The following UBE2F variants were observed in gnomAD, a reference collection of about 807,000 sequenced individuals.
UBE2F encodes the protein ubiquitin conjugating enzyme E2 F (putative), also known as NEDD8-conjugating enzyme UBE2F.
In UBE2F, 5 loss-of-function variants were observed where a neutral mutation model predicts 29.6. The ratio of observed to expected loss-of-function variants is 0.17; its 90% CI spans 0.09 to 0.36. The LOEUF is 0.36. Among genes scored for constraint, UBE2F ranks in the 10% least tolerant of loss-of-function variants. The pLI, the probability that UBE2F is intolerant of heterozygous loss-of-function variation, is 1.00. For missense variants in UBE2F, 141 were observed against 228.5 expected (o/e 0.62, Z 2.47); for synonymous variants, 66 against 81.8 (o/e 0.81, Z 1.04).
At chr2:237,968,939 G>A in intron 1 of UBE2F, 3 of 676,144 alleles carry the variant, frequency 4.4e-6, no homozygotes, top group Non-Finnish European at 3.7e-6. Context: ...ACAGTTTGAA[G>A]ACTTACTTTT....
At chr2:237,980,727 C>G (rs2063362004) in intron 2 of UBE2F, among the ~76,000 whole-genome samples, 1 of 152,176 alleles carries the variant, frequency 6.6e-6, no homozygotes, top group Non-Finnish European at 1.5e-5. Flanking sequence ...GGCAAGTATG[C>G]TTATGTGTCC....
chr2:237,992,784 C>A (rs570265304), intron 3 of UBE2F, among the ~76,000 whole-genome samples: 1 of 152,148 alleles, frequency 6.6e-6, no homozygotes, highest in African/African-American at 2.4e-5. Flanking sequence ...TGGACTAGAT[C>A]GTCTCTAAGG....
At position 237,995,315 on chromosome 2, in the gene UBE2F, G is replaced by A. The variant is rs148141023; in HGVS notation, c.214+506G>A. ...GAAGATTACCAGCTGTCCTCAGTAAGACGGATAAGTGTCTAATCCCTAAGC... is the reference window on the plus strand; with the variant it reads ...GAAGATTACCAGCTGTCCTCAGTAAAACGGATAAGTGTCTAATCCCTAAGC... On this transcript the variant is annotated intron_variant, in intron 4 of 9. Coordinates refer to ENST00000272930, the MANE Select transcript of UBE2F (RefSeq NM_080678.3). 3.9e-5 allele frequency among the ~76,000 whole-genome samples: 6 copies of A among 152,344 alleles called. No homozygotes were observed. The East Asian group carries it at 1.2e-3, about 29-fold the overall frequency.
At chr2:238,038,225 A>G (rs748879185) in intron 9 of UBE2F, among the ~76,000 whole-genome samples, 3 of 152,216 alleles carry the variant, frequency 2.0e-5, no homozygotes, top group Non-Finnish European at 2.9e-5. Flanking sequence ...AGAGCAGGCC[A>G]TCTTCTGAGG....
At chr2:238,038,810 C>T (rs1035076943) in intron 9 of UBE2F, among the ~76,000 whole-genome samples, 2 of 152,246 alleles carry the variant, frequency 1.3e-5, no homozygotes, top group Non-Finnish European at 2.9e-5. Flanking sequence ...CTTATGTCCA[C>T]TCGTTCATCA....
intron 8 of UBE2F, chr2:238,035,663 TCTTTC>T: frequency 1.9e-6 from 1 of 520,204 alleles, no homozygotes; most frequent in Non-Finnish European, 3.4e-6. Context: ...ATCTCTGACT[TCTTTC>T]AGTCAGTTGT....
intron 5 of UBE2F, among the ~76,000 whole-genome samples, chr2:238,020,199 A>G (rs2106389021): frequency 6.6e-6 from 1 of 152,322 alleles, no homozygotes; most frequent in African/African-American, 2.4e-5. Context: ...AGGGAGTGCC[A>G]GCTGTCTTGC....
At chr2:238,006,322 A>G (rs967598373) in intron 4 of UBE2F, among the ~76,000 whole-genome samples, 1 of 152,196 alleles carries the variant, frequency 6.6e-6, no homozygotes, top group Non-Finnish European at 1.5e-5. Flanking sequence ...CATCACCCAG[A>G]CACCTCCCAC....
chr2:237,992,970 G>T (rs2063620166), intron 3 of UBE2F, among the ~76,000 whole-genome samples: 1 of 151,696 alleles, frequency 6.6e-6, no homozygotes, highest in Non-Finnish European at 1.5e-5. Flanking sequence ...AATTCTGGGT[G>T]GGAGCTAACT....
Position 238,002,081 on chromosome 2 carries a change from T to TTTG in UBE2F, c.214+7272_214+7273insTTG, listed in dbSNP as rs35823687. ...TATCCCAATTTTTTTTTTTTTTTTT[T>TTTG]GAGACAGAGTTTTGCTCTGTTGCCC... On this transcript the variant is annotated intron_variant, in intron 4 of 9. Transcript: ENST00000272930. 7.0e-4 allele frequency among the ~76,000 whole-genome samples: 106 copies of TTTG among 150,442 alleles called. 2 individuals are homozygous for TTTG. Among genetic ancestry groups the TTTG allele is most frequent in the Middle Eastern group, 3.5e-3 (1 of 288 alleles).
chr2:237,979,956 G>T (rs2063348315), intron 2 of UBE2F, among the ~76,000 whole-genome samples: 1 of 152,242 alleles, frequency 6.6e-6, no homozygotes, highest in Admixed American at 6.5e-5. Flanking sequence ...TGAGGCCTCA[G>T]CCCTGGTGGT....
intron 4 of UBE2F, 129 bp downstream of exon 4, chr2:237,994,938 T>C: frequency 1.4e-6 from 1 of 698,164 alleles, no homozygotes; most frequent in Non-Finnish European, 2.5e-6. Context: ...CAATTTCATA[T>C]GAAGATAAGA....
chr2:237,977,692 C>T (rs1381505907), intron 2 of UBE2F, among the ~76,000 whole-genome samples: 2 of 152,038 alleles, frequency 1.3e-5, no homozygotes, highest in African/African-American at 4.8e-5. Flanking sequence ...CATGGCAAGG[C>T]ACTTTGAGGG....
chr2:237,984,845 T>A (rs2063446812), intron 2 of UBE2F, among the ~76,000 whole-genome samples: 1 of 151,994 alleles, frequency 6.6e-6, no homozygotes, highest in Admixed American at 6.6e-5. Flanking sequence ...AGTGAGGCGA[T>A]GATTGCTCAT....
chr2:238,031,076 C>T (rs924235049), intron 7 of UBE2F, among the ~76,000 whole-genome samples: 2 of 152,250 alleles, frequency 1.3e-5, no homozygotes, highest in Non-Finnish European at 2.9e-5. Flanking sequence ...CAGGAAGGGG[C>T]TTTTGGCCCT....
chr2:237,982,472 C>T lies in UBE2F; in HGVS notation c.119-5491C>T, dbSNP rs1027905738. 2.6e-5 allele frequency among the ~76,000 whole-genome samples: 4 copies of T among 152,164 alleles called. No homozygotes were observed. The highest frequency in any genetic ancestry group is 1.9e-4 in the East Asian group (1 of 5,178). On this transcript the variant is annotated intron_variant, in intron 2 of 9. Transcript: ENST00000272930. This position sits in a 1 kb window ranked among gnomAD's most constrained non-coding sequence, Gnocchi z 4.1. ...TGCTGGCCCCTCTGCTTGCAATCCACAGTCGCTTACCATGCCGTCTGGACA... is the reference window on the plus strand; with the variant it reads ...TGCTGGCCCCTCTGCTTGCAATCCATAGTCGCTTACCATGCCGTCTGGACA...
intron 1 of UBE2F, among the ~76,000 whole-genome samples, chr2:237,969,246 A>G (rs2063123223): frequency 6.6e-6 from 1 of 151,954 alleles, no homozygotes; most frequent in Non-Finnish European, 1.5e-5. Flanking sequence ...GCCCACAGAG[A>G]AGACTTCATC....
At chr2:238,023,485 T>A (rs2064341726) in intron 5 of UBE2F, among the ~76,000 whole-genome samples, 1 of 152,206 alleles carries the variant, frequency 6.6e-6, no homozygotes, top group African/African-American at 2.4e-5. Flanking sequence ...ATTTTTGCTT[T>A]ATACAAATAA....
At position 237,982,156 on chromosome 2, in the gene UBE2F, T is replaced by A. The variant is rs1197021412; in HGVS notation, c.119-5807T>A. ...GTCAAATGTCAAACCAGCAAAACAC[T>A]CCCCGAGTGGCGAATGTGCAGCCAG... is the stretch of plus-strand genomic sequence containing the variant. On this transcript the variant is annotated intron_variant, in intron 2 of 9. Transcript: ENST00000272930. This position sits in a 1 kb window ranked among gnomAD's most constrained non-coding sequence, Gnocchi z 4.1. Among the ~76,000 whole-genome samples the A allele has an allele frequency of 6.6e-6, 1 of 152,150 alleles. No individual in the cohort carries two copies. The highest frequency in any genetic ancestry group is 2.4e-5 in the African/African-American group (1 of 41,432).
Sources: allele counts gnomAD v4.1 joint callset (sites outside exome capture counted in the v4.1 genomes callset), GRCh38; gene constraint gnomAD v4.1.1; non-coding constraint Gnocchi (gnomAD v3.1); transcripts MANE v1.5; gene names NCBI Gene and HGNC (gene_info 2026-07-23, HGNC 2026-07-21).